TMEM178B: variants seen among roughly 807,000 people sequenced by gnomAD.
TMEM178B encodes the protein transmembrane protein 178B.
In TMEM178B, 5 loss-of-function variants were observed where a neutral mutation model predicts 31.0. The ratio of observed to expected loss-of-function variants is 0.16; its 90% CI spans 0.08 to 0.34. The LOEUF (loss-of-function observed/expected upper bound fraction) is 0.34. Ranked by LOEUF, TMEM178B falls within the 10% of genes least tolerant of loss-of-function variation. The probability of loss-of-function intolerance (pLI) is 1.00; values close to 1 mark genes in which losing one functional copy is unlikely to be tolerated. For synonymous variants in TMEM178B, 164 were observed against 164.0 expected, an observed-to-expected ratio of 1.00 and a Z score of 0.00; for missense variants, 275 against 400.3, an observed-to-expected ratio of 0.69 and a Z score of 2.67.
intron 2 of TMEM178B, among the ~76,000 whole-genome samples, chr7:141,241,590 CA>C (rs766018973): frequency 0.32 from 24,247 of 75,984 alleles, 1,658 homozygotes; most frequent in Non-Finnish European, 0.37. Flanking sequence ...GACTTCGTCT[CA>C]AAAAAAAAAA....
chr7:141,367,217 A>G (rs1800024948), intron 2 of TMEM178B, among the ~76,000 whole-genome samples: 1 of 151,870 alleles, frequency 6.6e-6, no homozygotes, highest in South Asian at 2.1e-4. Context: ...TTACAAACCA[A>G]TTATTTGATA....
intron 2 of TMEM178B, among the ~76,000 whole-genome samples, chr7:141,330,524 T>G (rs1484930454): frequency 6.6e-6 from 1 of 152,228 alleles, no homozygotes; most frequent in Non-Finnish European, 1.5e-5. Flanking sequence ...CCAGTCTATA[T>G]TGAAGGGCTT....
At position 141,074,824 on chromosome 7, in the gene TMEM178B, G is replaced by A; in HGVS notation, c.382+132G>A. ...CCAGGCGGTCCGGTTATCCAGGCCTGGCTGAGCCTCGGGGCCAGGACTTGC... is the reference window on the plus strand; with the variant it reads ...CCAGGCGGTCCGGTTATCCAGGCCTAGCTGAGCCTCGGGGCCAGGACTTGC... On this transcript the variant is annotated intron_variant, in intron 1 of 3. Transcript: ENST00000565468. The surrounding 1 kb of genome is among the most constrained non-coding windows in gnomAD (Gnocchi z 5.1). 1 of 1,291,536 alleles carries A rather than the reference G, an allele frequency of 7.7e-7. No individual in the cohort carries two copies. The highest frequency in any genetic ancestry group is 1.0e-6 in the Non-Finnish European group (1 of 971,224). The allele number at this position is 1,291,536 out of a possible 1,614,324, so 80.0% of individuals were successfully genotyped here.
chr7:141,246,410 G>A (rs573242668), intron 2 of TMEM178B, among the ~76,000 whole-genome samples: 8 of 152,322 alleles, frequency 5.3e-5, no homozygotes, highest in East Asian at 1.9e-4. Flanking sequence ...CTGAGACTAC[G>A]AAAGGGTATT....
At chr7:141,081,563 G>A (rs917792228) in intron 1 of TMEM178B, among the ~76,000 whole-genome samples, 1 of 151,924 alleles carries the variant, frequency 6.6e-6, no homozygotes, top group African/African-American at 2.4e-5. Flanking sequence ...TTGAACTTGG[G>A]AGGTGGAGGT....
chr7:141,258,236 T>C (rs1335647783), intron 2 of TMEM178B, among the ~76,000 whole-genome samples: 1 of 151,938 alleles, frequency 6.6e-6, no homozygotes, highest in African/African-American at 2.4e-5. Flanking sequence ...CCCCCAGATA[T>C]GGTTCTTATA....
intron 1 of TMEM178B, among the ~76,000 whole-genome samples, chr7:141,139,363 A>T (rs1795729372): frequency 1.3e-5 from 2 of 150,962 alleles, no homozygotes; most frequent in East Asian, 1.9e-4. Context: ...ACTTTAAAAA[A>T]TTTTTTTAGG....
chr7:141,353,236 A>G (rs1172725543), intron 2 of TMEM178B, among the ~76,000 whole-genome samples: 1 of 152,166 alleles, frequency 6.6e-6, no homozygotes, highest in African/African-American at 2.4e-5. Flanking sequence ...TCTGACATGC[A>G]AACTTAGCCA....
chr7:141,203,971 T>C (rs7788466), intron 1 of TMEM178B, among the ~76,000 whole-genome samples: 107,346 of 152,148 alleles, frequency 0.71, 38,472 homozygotes, highest in African/African-American at 0.79. Flanking sequence ...GAAAGGGCCT[T>C]GGGAGAACCA....
chr7:141,275,178 A>G (rs1798246312), intron 2 of TMEM178B, among the ~76,000 whole-genome samples: 1 of 152,182 alleles, frequency 6.6e-6, no homozygotes, highest in Admixed American at 6.5e-5. Flanking sequence ...TATTCAAGAT[A>G]CTCAAAACTC....
At chr7:141,385,700 C>T (rs1011474903) in intron 2 of TMEM178B, among the ~76,000 whole-genome samples, 3 of 152,214 alleles carry the variant, frequency 2.0e-5, no homozygotes, top group African/African-American at 7.2e-5. Context: ...ATAAATCCAA[C>T]TTGCACCATT....
intron 1 of TMEM178B, among the ~76,000 whole-genome samples, chr7:141,107,727 T>C (rs571257395): frequency 1.3e-5 from 2 of 152,306 alleles, no homozygotes; most frequent in South Asian, 4.1e-4. Context: ...TATATGTGTC[T>C]AGAGTTTAGC....
At chr7:141,365,575 A>T (rs1357930677) in intron 2 of TMEM178B, among the ~76,000 whole-genome samples, 1 of 152,218 alleles carries the variant, frequency 6.6e-6, no homozygotes, top group East Asian at 1.9e-4. Flanking sequence ...AGCTAAATCA[A>T]TGTCACCATA....
rs1798491353 is a variant in TMEM178B at position 141,288,626 on chromosome 7, C to G, written c.496+75922C>G. Among the ~76,000 whole-genome samples the G allele has an allele frequency of 2.6e-5, 4 of 152,166 alleles. No homozygotes were observed. The South Asian group carries it at 8.3e-4, about 32-fold the overall frequency. ...TTCCTTGACAGTCCCGCTGCCCTATCATTTGCTCCCACCCACTCTTTCCTT... is the reference window on the plus strand; with the variant it reads ...TTCCTTGACAGTCCCGCTGCCCTATGATTTGCTCCCACCCACTCTTTCCTT... On this transcript the variant is annotated intron_variant, in intron 2 of 3. Transcript: ENST00000565468.
At chr7:141,235,948 G>A (rs1049833158) in intron 2 of TMEM178B, among the ~76,000 whole-genome samples, 1 of 152,158 alleles carries the variant, frequency 6.6e-6, no homozygotes, top group South Asian at 2.1e-4. Context: ...CCTGGATGTG[G>A]GATAATCTTT....
At position 141,398,091 on chromosome 7, in the gene TMEM178B, G is replaced by T. The variant is rs114215733; in HGVS notation, c.497-39517G>T. Among the ~76,000 whole-genome samples, 1,032 of 152,292 alleles carry T rather than the reference G, an allele frequency of 6.8e-3. 19 individuals carry two copies. Among genetic ancestry groups the T allele is most frequent in the African/African-American group, 0.022 (928 of 41,554 alleles). The stretch of plus-strand genomic sequence containing the variant: ...GTCACCAAGGCAAGTTTGGGGAGGG[G>T]TGTCCCAGTGTGTACAGCTCAACTT... On this transcript the variant is annotated intron_variant, in intron 2 of 3. Transcript: ENST00000565468.
chr7:141,382,839 T>C (rs1448579020), intron 2 of TMEM178B, among the ~76,000 whole-genome samples: 2 of 152,234 alleles, frequency 1.3e-5, no homozygotes, highest in Non-Finnish European at 2.9e-5. Context: ...AGTAATGCCT[T>C]AGCAAAGGGG....
In TMEM178B at chr7:141,141,052, CAGTATCT is replaced by C. The variant is rs1163457260; in HGVS notation, c.382+66362_382+66368del. ...GTTACACTTCCCCTCCTTTAGGATGCAGTATCTATATAAATTGTTTGGTATTTTTCTG... is the reference window on the plus strand; with the variant it reads ...GTTACACTTCCCCTCCTTTAGGATGCATATAAATTGTTTGGTATTTTTCTG... On this transcript the variant is annotated intron_variant, in intron 1 of 3. Coordinates refer to ENST00000565468, the MANE Select transcript of TMEM178B (RefSeq NM_001195278.2). Among the ~76,000 whole-genome samples the C allele has an allele frequency of 2.0e-5, 3 of 152,146 alleles. No homozygotes were observed. In the East Asian group the frequency reaches 5.8e-4, roughly 29 times the overall value.
intron 2 of TMEM178B, among the ~76,000 whole-genome samples, chr7:141,259,219 A>G (rs556799066): frequency 9.3e-4 from 141 of 152,306 alleles, no homozygotes; most frequent in Non-Finnish European, 7.1e-4. Flanking sequence ...TTCTTCTGCC[A>G]TATGATATAC....
Sources: allele counts gnomAD v4.1 joint callset (sites outside exome capture counted in the v4.1 genomes callset), GRCh38; gene constraint gnomAD v4.1.1; non-coding constraint Gnocchi (gnomAD v3.1); transcripts MANE v1.5; gene names NCBI Gene and HGNC (gene_info 2026-07-23, HGNC 2026-07-21).